Variants in TSPAN5 observed in about 807,000 individuals in gnomAD.
The protein encoded by TSPAN5 is tetraspanin 5.
A neutral mutation model predicts 37.1 loss-of-function variants in TSPAN5; 10 were observed. The observed-to-expected ratio is 0.27, with a 90% CI of 0.17 to 0.46. The LOEUF is 0.46. TSPAN5 is among the 20% of genes least tolerant of loss of function. TSPAN5 has a pLI of 1.00. For missense variants in TSPAN5, 195 were observed against 326.6 expected (o/e 0.60, Z 3.11); for synonymous variants, 110 against 118.9 (o/e 0.93, Z 0.48).
At chr4:98,544,443 C>T (rs1463009842) in intron 1 of TSPAN5, among the ~76,000 whole-genome samples, 5 of 152,032 alleles carry the variant, frequency 3.3e-5, no homozygotes, top group African/African-American at 1.2e-4. Context: ...ATGGCCTGTC[C>T]AACAACTCAC....
chr4:98,490,883 ACC>A (rs1553909103), intron 2 of TSPAN5, among the ~76,000 whole-genome samples: 1 of 151,644 alleles, frequency 6.6e-6, no homozygotes, highest in Non-Finnish European at 1.5e-5. Flanking sequence ...ACATGGTGAA[ACC>A]CCCCGTCTCT....
In TSPAN5 at chr4:98,500,123, A is replaced by G. The variant is rs896363420; in HGVS notation, c.132+7555T>C. The G allele has an allele frequency of 5.3e-5, 8 of 152,138 alleles. No homozygotes were observed. The East Asian group carries it at 1.5e-3, about 29-fold the overall frequency. The allele number at this position is 152,138 out of a possible 1,614,324, so 9.4% of individuals were successfully genotyped here. ...AAGAAGTTTCAATGTTAAGAAATCT[A>G]TTTTTTTCTGCTCAAGTCATCTGAG... is the stretch of plus-strand genomic sequence containing the variant. On this transcript the variant is annotated intron_variant, in intron 2 of 7. Transcript: ENST00000305798.
chr4:98,615,834 C>G lies in TSPAN5; in HGVS notation c.81+42312G>C, dbSNP rs144803918. Among the ~76,000 whole-genome samples, 579 of 152,220 alleles carry G rather than the reference C, an allele frequency of 3.8e-3. 7 individuals carry two copies. The highest frequency in any genetic ancestry group is 0.013 in the African/African-American group (537 of 41,546). On this transcript the variant is annotated intron_variant, in intron 1 of 7. Coordinates refer to ENST00000305798, the MANE Select transcript of TSPAN5 (RefSeq NM_005723.4). ...TAAACCAAAGAAGATAAGTGTGTCACACTTACAATGAGGGGCAACAGGTGG... is the reference window on the plus strand; with the variant it reads ...TAAACCAAAGAAGATAAGTGTGTCAGACTTACAATGAGGGGCAACAGGTGG...
chr4:98,484,734 G>A (rs1578936956), intron 3 of TSPAN5: 1 of 371,038 alleles, frequency 2.7e-6, no homozygotes, highest in East Asian at 7.3e-5. Context: ...GGCTGAGCAA[G>A]GTGGATCACT....
intron 1 of TSPAN5, among the ~76,000 whole-genome samples, chr4:98,632,228 C>G (rs1288288141): frequency 2.0e-5 from 3 of 152,154 alleles, no homozygotes; most frequent in Admixed American, 6.5e-5. Context: ...CCCAGGTGCA[C>G]AGAGAGTGTT....
chr4:98,609,114 G>A (rs1756114637), intron 1 of TSPAN5, among the ~76,000 whole-genome samples: 1 of 151,078 alleles, frequency 6.6e-6, no homozygotes, highest in Non-Finnish European at 1.5e-5. Flanking sequence ...AGGAATGGAT[G>A]CAAAAAAAAT....
chr4:98,587,873 A>C (rs771139728), intron 1 of TSPAN5, among the ~76,000 whole-genome samples: 2 of 151,340 alleles, frequency 1.3e-5, no homozygotes, highest in Non-Finnish European at 2.9e-5. Context: ...TGGTGACAGA[A>C]CAAGACTCCG....
intron 1 of TSPAN5, among the ~76,000 whole-genome samples, chr4:98,508,628 G>A (rs963630061): frequency 3.5e-5 from 5 of 143,262 alleles, no homozygotes; most frequent in East Asian, 2.1e-4. Flanking sequence ...AGGCTTAACC[G>A]AGCCTCCTGC....
chr4:98,651,483 G>A (rs1427164502), intron 1 of TSPAN5, among the ~76,000 whole-genome samples: 6 of 152,180 alleles, frequency 3.9e-5, no homozygotes, highest in Non-Finnish European at 8.8e-5. Flanking sequence ...GGCTTTCATG[G>A]TTGTACTGTG....
At chr4:98,610,842 G>T (rs10428298) in intron 1 of TSPAN5, among the ~76,000 whole-genome samples, 1 of 151,822 alleles carries the variant, frequency 6.6e-6, no homozygotes, top group Non-Finnish European at 1.5e-5. Flanking sequence ...CATCCTCCCC[G>T]CTACTCTTTT....
At chr4:98,635,499 G>A (rs1452850775) in intron 1 of TSPAN5, among the ~76,000 whole-genome samples, 1 of 152,202 alleles carries the variant, frequency 6.6e-6, no homozygotes, top group African/African-American at 2.4e-5. Flanking sequence ...ATAGAACTCA[G>A]CCCATATGAC....
At chr4:98,619,126 T>TA (rs1304473482) in intron 1 of TSPAN5, among the ~76,000 whole-genome samples, 2 of 152,210 alleles carry the variant, frequency 1.3e-5, no homozygotes, top group African/African-American at 4.8e-5. Flanking sequence ...CCAACAAGTA[T>TA]AAAAATCCAC....
chr4:98,650,270 T>G (rs1266299135), intron 1 of TSPAN5, among the ~76,000 whole-genome samples: 1 of 152,118 alleles, frequency 6.6e-6, no homozygotes, highest in Non-Finnish European at 1.5e-5. Flanking sequence ...GTAGGTCCAA[T>G]CTGGTAGGCT....
intron 1 of TSPAN5, among the ~76,000 whole-genome samples, chr4:98,631,897 T>G (rs1011759894): frequency 4.6e-5 from 7 of 152,116 alleles, no homozygotes; most frequent in Non-Finnish European, 8.8e-5. Flanking sequence ...ACTTTTTAGT[T>G]TTTCACTGTT....
At chr4:98,533,199 C>G (rs1754139308) in intron 1 of TSPAN5, among the ~76,000 whole-genome samples, 1 of 152,078 alleles carries the variant, frequency 6.6e-6, no homozygotes, top group South Asian at 2.1e-4. Flanking sequence ...TGATGCTAGC[C>G]TCATAAAATG....
chr4:98,488,514 T>G (rs1036696074), intron 2 of TSPAN5, among the ~76,000 whole-genome samples: 1 of 152,156 alleles, frequency 6.6e-6, no homozygotes, highest in Admixed American at 6.6e-5. Context: ...GAAAGGCTAT[T>G]AAAGCAGTTA....
intron 1 of TSPAN5, among the ~76,000 whole-genome samples, chr4:98,523,260 A>G (rs1753894130): frequency 6.6e-6 from 1 of 152,180 alleles, no homozygotes; most frequent in Non-Finnish European, 1.5e-5. Context: ...GAGGGATGTG[A>G]ATAAGCGTCC....
intron 3 of TSPAN5, 60 bp downstream of exon 3, chr4:98,486,678 C>G: frequency 5.0e-6 from 8 of 1,597,542 alleles, no homozygotes; most frequent in Non-Finnish European, 6.9e-6. Flanking sequence ...GATAGGGTGA[C>G]CTCCTGATGG....
chr4:98,478,308 A>T (rs2110255743), intron 5 of TSPAN5, among the ~76,000 whole-genome samples: 1 of 152,348 alleles, frequency 6.6e-6, no homozygotes, highest in South Asian at 2.1e-4. Context: ...TGATACAGGC[A>T]AGTTGCCTGG....
Sources: allele counts gnomAD v4.1 joint callset (sites outside exome capture counted in the v4.1 genomes callset), GRCh38; gene constraint gnomAD v4.1.1; transcripts MANE v1.5; gene names NCBI Gene and HGNC (gene_info 2026-07-23, HGNC 2026-07-21).